Variants in DDX39A observed in about 807,000 individuals in gnomAD.
The protein encoded by DDX39A is ATP-dependent RNA helicase DDX39A.
DDX39A carries 13 observed loss-of-function variants against 46.3 expected under a neutral mutation model. The ratio of observed to expected loss-of-function variants is 0.28; its 90% CI spans 0.18 to 0.45. The LOEUF is 0.45. Among genes scored for constraint, DDX39A ranks in the 20% least tolerant of loss-of-function variants. The pLI is 1.00. For missense variants in DDX39A, 352 were observed against 581.8 expected, an observed-to-expected ratio of 0.61 and a Z score of 4.06; for synonymous variants, 234 against 224.6, an observed-to-expected ratio of 1.04 and a Z score of -0.38.
At position 14,413,139 on chromosome 19, in the gene DDX39A, C is replaced by G. The variant is rs11545011; in HGVS notation, c.82G>C (p.Ala28Pro). ...CCCTTGATGTCTTTCTTAGGGGGAGCTGGTGTGCTCTCTTGAGGAGCCTGG... is the reference window on the plus strand; with the variant it reads ...CCCTTGATGTCTTTCTTAGGGGGAGGTGGTGTGCTCTCTTGAGGAGCCTGG... The part of the protein sequence containing the change: ...EPQAPQESTP[A>P]PPKKDIKGSY... The change falls in exon 2 of 11, where the codon GCT (alanine) becomes CCT (proline). Residue 28 changes from alanine to proline, a missense_variant. Ala to Pro is a conservative substitution (Grantham distance 27). Coordinates refer to ENST00000242776, the MANE Select transcript of DDX39A (RefSeq NM_005804.4). 7.4e-6 allele frequency: 12 copies of G among 1,614,128 alleles called. No individual in the cohort carries two copies. In the East Asian group the frequency reaches 2.2e-4, roughly 30 times the overall value.
rs1198472759 is a variant in DDX39A, at chr19:14,410,954, ACT to A, written c.613+33_613+34del. 1 of 1,504,890 alleles carries A rather than the reference ACT, an allele frequency of 6.6e-7. No individual in the cohort carries two copies. Among genetic ancestry groups the A allele is most frequent in the Non-Finnish European group, 8.9e-7 (1 of 1,123,038 alleles). The allele number at this position is 1,504,890 out of a possible 1,614,324, so 93.2% of individuals were successfully genotyped here. ...TGCTATGGGGCCCGCCTAGTCACTGACTCTCAGCTGGGGCTGCAAGGGCAGAG... is the reference window on the plus strand; with the variant it reads ...TGCTATGGGGCCCGCCTAGTCACTGACTCAGCTGGGGCTGCAAGGGCAGAG... On this transcript the variant is annotated intron_variant, in intron 5 of 10. Transcript: ENST00000242776. This position sits in a 1 kb window ranked among gnomAD's most constrained non-coding sequence, Gnocchi z 4.3.
chr19:14,417,619 A>C (rs536345712), intron 1 of DDX39A, among the ~76,000 whole-genome samples: 2 of 152,306 alleles, frequency 1.3e-5, no homozygotes, highest in East Asian at 3.9e-4. Flanking sequence ...ATGTACCCTA[A>C]AACTTAAAAA....
In DDX39A at chr19:14,410,757, T is replaced by A. The variant is rs924054684; in HGVS notation, c.613+232A>T. The A allele has an allele frequency of 7.6e-5, 41 of 539,858 alleles. 1 individual carries two copies. The highest frequency in any genetic ancestry group is 5.7e-4 in the South Asian group (23 of 40,136). The allele number at this position is 539,858 out of a possible 1,614,324, so 33.4% of individuals were successfully genotyped here. A position where few individuals can be genotyped will look rare whatever the true frequency, so the allele number is the denominator to read the frequency against. On this transcript the variant is annotated intron_variant, in intron 5 of 10. Coordinates refer to ENST00000242776, the MANE Select transcript of DDX39A (RefSeq NM_005804.4). This position sits in a 1 kb window ranked among gnomAD's most constrained non-coding sequence, Gnocchi z 4.3. ...GAAGCCTCATACTCCCAGAGGTATG[T>A]GTGCATGCCTTTACGTCCAGGAGGG...
chr19:14,413,245 G>C (rs1453638697), intron 1 of DDX39A, 21 bp from the exon 2 acceptor site: 6 of 1,604,804 alleles, frequency 3.7e-6, no homozygotes, highest in Non-Finnish European at 3.4e-6. Context: ...AGAGAGGCAG[G>C]GTCCCGCGAG....
chr19:14,413,818 C>T (rs961254809), intron 1 of DDX39A, among the ~76,000 whole-genome samples: 3 of 152,080 alleles, frequency 2.0e-5, no homozygotes, highest in East Asian at 3.9e-4. Context: ...ACTGAGTTTG[C>T]GAGAGAGCAA....
At position 14,409,254 on chromosome 19, in the gene DDX39A, GCCCCAC is replaced by G. The variant is rs1568324182; in HGVS notation, c.1119+43_1119+48del. 1 of 1,613,046 alleles carries G rather than the reference GCCCCAC, an allele frequency of 6.2e-7. No homozygotes were observed. Among genetic ancestry groups the G allele is most frequent in the Admixed American group, 1.7e-5 (1 of 60,006 alleles). ...GGACTTGAGGAAAAGCAGGGCTGGG[GCCCCAC>G]CCCACCGCCAGGGGAAAGCAACATG... On this transcript the variant is annotated intron_variant, in intron 9 of 10. Transcript: ENST00000242776. The surrounding 1 kb of genome is among the most constrained non-coding windows in gnomAD (Gnocchi z 8.3).
chr19:14,411,014 C>T lies in DDX39A; in HGVS notation c.588G>A (p.Glu196=). The stretch of plus-strand genomic sequence containing the variant: ...CCAGCTGCTCCAGCATCTTGTCACA[C>T]TCGTCCAGCACAAAGTGCTTCACAT... The part of the protein sequence containing the change: ...LKNVKHFVLD[E]CDKMLEQLDM... The change falls in exon 5 of 11, where the codon GAG becomes GAA. Residue 196 remains glutamate, a synonymous_variant. Coordinates refer to ENST00000242776, the MANE Select transcript of DDX39A (RefSeq NM_005804.4). This position sits in a 1 kb window ranked among gnomAD's most constrained non-coding sequence, Gnocchi z 4.1. 9 of 1,593,518 alleles carry T rather than the reference C, an allele frequency of 5.6e-6. No individual in the cohort carries two copies. Among genetic ancestry groups the T allele is most frequent in the Non-Finnish European group, 7.7e-6 (9 of 1,169,194 alleles).
chr19:14,412,949 G>T lies in DDX39A; in HGVS notation c.208+64C>A. ...CAAACTGGAGGCGGCACCGCTCTGGGCGGGCAGGGCTGGTCTTGTCTTGGT... is the reference window on the plus strand; with the variant it reads ...CAAACTGGAGGCGGCACCGCTCTGGTCGGGCAGGGCTGGTCTTGTCTTGGT... On this transcript the variant is annotated intron_variant, in intron 2 of 10. Coordinates refer to ENST00000242776, the MANE Select transcript of DDX39A (RefSeq NM_005804.4). The surrounding 1 kb of genome is among the most constrained non-coding windows in gnomAD (Gnocchi z 4.4). The T allele has an allele frequency of 6.5e-7, 1 of 1,548,406 alleles. No individual in the cohort carries two copies.
In DDX39A at chr19:14,408,906, C is replaced by T. The variant is rs749006416; in HGVS notation, c.*30G>A. 43 of 1,569,412 alleles carry T rather than the reference C, an allele frequency of 2.7e-5. 1 individual carries two copies. The South Asian group carries it at 4.0e-4, about 15-fold the overall frequency. ...GGGAGGTGAAGCTGCATGCGGGCGG[C>T]TCCGGGTGGGCGGCTCTGGCACGTG... is the stretch of plus-strand genomic sequence containing the variant. On this transcript the variant is annotated 3_prime_UTR_variant, in exon 11 of 11. Transcript: ENST00000242776.
rs1976534089 is a variant in DDX39A at position 14,410,463 on chromosome 19, G to C, written c.614-129C>G. The C allele has an allele frequency of 1.2e-6, 1 of 802,384 alleles. No individual in the cohort carries two copies. Among genetic ancestry groups the C allele is most frequent in the African/African-American group, 1.7e-5 (1 of 59,770 alleles). 49.7% of individuals were successfully genotyped at this position (802,384 alleles called of 1,614,324 possible). The stretch of plus-strand genomic sequence containing the variant: ...TGGCACCGTGACGAGGGCAGAGTGA[G>C]CCGCGGGAGTGGCCAGTCCTGGTGC... On this transcript the variant is annotated intron_variant, in intron 5 of 10. Coordinates refer to ENST00000242776, the MANE Select transcript of DDX39A (RefSeq NM_005804.4). The surrounding 1 kb of genome is among the most constrained non-coding windows in gnomAD (Gnocchi z 4.3).
chr19:14,409,011 C>G lies in DDX39A; in HGVS notation c.1267+26G>C. On this transcript the variant is annotated intron_variant, in intron 10 of 10. Transcript: ENST00000242776. The surrounding 1 kb of genome is among the most constrained non-coding windows in gnomAD (Gnocchi z 8.3). The stretch of plus-strand genomic sequence containing the variant: ...CGGGGGAGGAACCCTCTGCCCCAGA[C>G]CCCTGGCCCTGCCCAAGGCACTTAC... 6.2e-7 allele frequency: 1 copy of G among 1,614,018 alleles called. No individual in the cohort carries two copies. Among genetic ancestry groups the G allele is most frequent in the Non-Finnish European group, 8.5e-7 (1 of 1,179,920 alleles).
In DDX39A at chr19:14,411,137, C is replaced by T. The variant is rs202206194; in HGVS notation, c.465G>A (p.Lys155=). The T allele has an allele frequency of 3.2e-5, 51 of 1,601,328 alleles. No individual in the cohort carries two copies. The Admixed American group carries it at 9.0e-4, about 28-fold the overall frequency. The stretch of plus-strand genomic sequence containing the variant: ...AGTTCTTCTTCAACACTTCTTCATC[C>T]TTCTTGATGGAGAGACCACCGAAGA... ...SVFFGGLSIK[K]DEEVLKKNCP... The change falls in exon 5 of 11, where the codon AAG becomes AAA. Residue 155 remains lysine (K), a synonymous_variant. Coordinates refer to ENST00000242776, the MANE Select transcript of DDX39A (RefSeq NM_005804.4). The surrounding 1 kb of genome is among the most constrained non-coding windows in gnomAD (Gnocchi z 4.1).
Position 14,412,773 on chromosome 19 carries a change from AGAAGAGGCC to A in DDX39A, c.209-104_209-96del. 1 of 1,501,208 alleles carries A rather than the reference AGAAGAGGCC, an allele frequency of 6.7e-7. No individual in the cohort carries two copies. The highest frequency in any genetic ancestry group is 8.9e-7 in the Non-Finnish European group (1 of 1,118,736). 93.0% of individuals were successfully genotyped at this position (1,501,208 alleles called of 1,614,324 possible). ...CCGGGGGCCCACAGTGAGGGCAATC[AGAAGAGGCC>A]GAGTCCGGACAAGGCCACAGACACC... On this transcript the variant is annotated intron_variant, in intron 2 of 10. Coordinates refer to ENST00000242776, the MANE Select transcript of DDX39A (RefSeq NM_005804.4). The surrounding 1 kb of genome is among the most constrained non-coding windows in gnomAD (Gnocchi z 4.4).
chr19:14,414,532 G>A (rs138731721), intron 1 of DDX39A, among the ~76,000 whole-genome samples: 1,983 of 149,598 alleles, frequency 0.013, 19 homozygotes, highest in Middle Eastern at 0.052. Context: ...TGTAGTTTTC[G>A]TAGAGACAGG....
chr19:14,409,593 A>G lies in DDX39A; in HGVS notation c.917T>C (p.Leu306Pro), dbSNP rs376030027. The change falls in exon 8 of 11, where the codon CTC becomes CCC. Residue 306 changes from leucine (L) to proline (P), a missense_variant. Around this residue, in one of 3 missense-constraint regions of DDX39A, gnomAD observed 301 missense variants for 469.9 expected, o/e 0.64. Coordinates refer to ENST00000242776, the MANE Select transcript of DDX39A (RefSeq NM_005804.4). This position sits in a 1 kb window ranked among gnomAD's most constrained non-coding sequence, Gnocchi z 8.3. Reference sequence around the variant, plus strand: ...GATGGCCGGGAAGTTCTGCTCCACGAGGAGCTGGGCCAGGGCCATGCAGCG... The same window carrying G: ...GATGGCCGGGAAGTTCTGCTCCACGGGGAGCTGGGCCAGGGCCATGCAGCG... ...VQRCMALAQL[L>P]VEQNFPAIAI... The G allele has an allele frequency of 1.9e-6, 3 of 1,611,844 alleles. No homozygotes were observed. Among genetic ancestry groups the G allele is most frequent in the African/African-American group, 1.3e-5 (1 of 75,036 alleles).
At chr19:14,417,680 A>G (rs1264511223) in intron 1 of DDX39A, among the ~76,000 whole-genome samples, 2 of 152,172 alleles carry the variant, frequency 1.3e-5, no homozygotes, top group African/African-American at 4.8e-5. Context: ...GCAAAGGCTA[A>G]AAAATAAATA....
Position 14,411,149 on chromosome 19 carries a change from G to A in DDX39A, c.453C>T (p.Leu151=), listed in dbSNP as rs774897992. The A allele has an allele frequency of 1.9e-6, 3 of 1,593,048 alleles. No homozygotes were observed. The highest frequency in any genetic ancestry group is 1.4e-5 in the African/African-American group (1 of 73,876). ...SVKVSVFFGG[L]SIKKDEEVLK... ...ACACTTCTTCATCCTTCTTGATGGA[G>A]AGACCACCGAAGAACACAGACACCT... The change falls in exon 5 of 11, where the codon CTC becomes CTT. Residue 151 remains leucine, a synonymous_variant. Transcript: ENST00000242776. This position sits in a 1 kb window ranked among gnomAD's most constrained non-coding sequence, Gnocchi z 4.1.
chr19:14,411,725 C>T lies in DDX39A; in HGVS notation c.337-127G>A, dbSNP rs150896709. On this transcript the variant is annotated intron_variant, in intron 3 of 10. Coordinates refer to ENST00000242776, the MANE Select transcript of DDX39A (RefSeq NM_005804.4). The surrounding 1 kb of genome is among the most constrained non-coding windows in gnomAD (Gnocchi z 4.1). ...ATCACAGGCCATTTGAAGGCCCGGT[C>T]CAAATGCCTCCCACTTCTCACGGCC... The T allele has an allele frequency of 0.018, 13,733 of 754,472 alleles. 171 individuals carry two copies. The highest frequency in any genetic ancestry group is 0.023 in the South Asian group (1,432 of 61,566). The allele number at this position is 754,472 out of a possible 1,614,324, so 46.7% of individuals were successfully genotyped here. A position where few individuals can be genotyped will look rare whatever the true frequency, so the allele number is the denominator to read the frequency against.
chr19:14,412,605 C>T lies in DDX39A; in HGVS notation c.282G>A (p.Lys94=). 6.2e-7 allele frequency: 1 copy of T among 1,611,150 alleles called. No individual in the cohort carries two copies. The highest frequency in any genetic ancestry group is 8.5e-7 in the Non-Finnish European group (1 of 1,180,028). ...VLCQAKSGMG[K]TAVFVLATLQ... ...GGGTGGCCAGCACGAAGACCGCTGT[C>T]TTGCCCATCCCGGACTTGGCCTGGC... The change falls in exon 3 of 11, where the codon AAG becomes AAA. Residue 94 remains lysine, a synonymous_variant. Transcript: ENST00000242776. The surrounding 1 kb of genome is among the most constrained non-coding windows in gnomAD (Gnocchi z 4.4).
Sources: allele counts gnomAD v4.1 joint callset (sites outside exome capture counted in the v4.1 genomes callset), GRCh38; gene constraint gnomAD v4.1.1; regional missense constraint gnomAD v4.1.1; non-coding constraint Gnocchi (gnomAD v3.1); transcripts MANE v1.5; gene names NCBI Gene and HGNC (gene_info 2026-07-23, HGNC 2026-07-21).